RGS6: variants seen among roughly 807,000 people sequenced by gnomAD.
RGS6 encodes the protein regulator of G-protein signaling 6.
In RGS6, 30 loss-of-function variants were observed where a neutral mutation model predicts 78.5. That is an observed-to-expected ratio of 0.38 (90% CI 0.29 to 0.52). The LOEUF (loss-of-function observed/expected upper bound fraction) is 0.52. RGS6 is among the 20% of genes least tolerant of loss of function. RGS6 has a pLI of 0.85. For synonymous variants in RGS6, 206 were observed against 206.0 expected (o/e 1.00, Z 0.00); for missense variants, 495 against 609.7 (o/e 0.81, Z 1.98).
chr14:71,935,224 A>G (rs1349741544), intron 1 of RGS6, among the ~76,000 whole-genome samples: 2 of 152,202 alleles, frequency 1.3e-5, no homozygotes, highest in Non-Finnish European at 1.5e-5. Context: ...TCAAAAAACA[A>G]TTTTAACTTT....
chr14:72,503,812 G>T (rs1357392773), intron 13 of RGS6, among the ~76,000 whole-genome samples: 1 of 152,184 alleles, frequency 6.6e-6, no homozygotes, highest in Non-Finnish European at 1.5e-5. Flanking sequence ...AGGCCCATTT[G>T]GGTGGCAGCA....
intron 1 of RGS6, among the ~76,000 whole-genome samples, chr14:71,933,608 A>C (rs1035309406): frequency 6.6e-6 from 1 of 152,226 alleles, no homozygotes; most frequent in Non-Finnish European, 1.5e-5. Context: ...AGTTTTGTTC[A>C]GAATGAAAGC....
the RGS6 span, among the ~76,000 whole-genome samples, chr14:71,898,190 A>G: frequency 1.3e-5 from 2 of 152,174 alleles, no homozygotes; most frequent in African/African-American, 2.4e-5. Flanking sequence ...GTTATTAACT[A>G]CAGTCACCAT....
intron 2 of RGS6, among the ~76,000 whole-genome samples, chr14:72,184,366 TCAAACA>T (rs2097210571): frequency 3.2e-5 from 2 of 62,866 alleles, no homozygotes; most frequent in South Asian, 1.0e-3. Context: ...TATTTTACTT[TCAAACA>T]CACACACACA....
chr14:72,323,287 A>C (rs1018485327), intron 2 of RGS6, among the ~76,000 whole-genome samples: 1 of 152,174 alleles, frequency 6.6e-6, no homozygotes, highest in African/African-American at 2.4e-5. Context: ...ATAAGAATAA[A>C]TTTAACAAGA....
intron 2 of RGS6, among the ~76,000 whole-genome samples, chr14:72,031,060 A>C (rs547693016): frequency 1.3e-5 from 2 of 152,118 alleles, no homozygotes; most frequent in Admixed American, 1.3e-4. Context: ...GTTGTGGGTA[A>C]GCATAAATAT....
chr14:72,121,892 T>C (rs1257315448), intron 2 of RGS6, among the ~76,000 whole-genome samples: 1 of 152,144 alleles, frequency 6.6e-6, no homozygotes, highest in African/African-American at 2.4e-5. Context: ...GGAGCTGTTT[T>C]GCCAGGACCA....
chr14:72,405,945 G>A (rs148306358), intron 3 of RGS6, among the ~76,000 whole-genome samples: 2,984 of 152,334 alleles, frequency 0.02, 34 homozygotes, highest in South Asian at 0.037. Flanking sequence ...GATGACCCGC[G>A]TATTTCCAAG....
intron 3 of RGS6, among the ~76,000 whole-genome samples, chr14:72,355,626 A>C (rs1377107421): frequency 6.6e-6 from 1 of 152,202 alleles, no homozygotes; most frequent in Non-Finnish European, 1.5e-5. Context: ...ATTCTAGTAG[A>C]GGAGGAAATA....
At chr14:72,174,262 C>A (rs913365054) in intron 2 of RGS6, among the ~76,000 whole-genome samples, 1 of 152,234 alleles carries the variant, frequency 6.6e-6, no homozygotes. Context: ...CATAGGCCAC[C>A]ATGCCCAGCT....
intron 15 of RGS6, among the ~76,000 whole-genome samples, chr14:72,519,022 G>T (rs1447209020): frequency 6.6e-6 from 1 of 152,326 alleles, no homozygotes; most frequent in Admixed American, 6.5e-5. Context: ...TGCGCTATGT[G>T]ATAAGATACC....
chr14:71,974,886 A>T (rs1426409147), intron 2 of RGS6, among the ~76,000 whole-genome samples: 1 of 152,268 alleles, frequency 6.6e-6, no homozygotes, highest in Non-Finnish European at 1.5e-5. Flanking sequence ...TTACGCCTGT[A>T]ATCCCAGCAC....
the RGS6 span, among the ~76,000 whole-genome samples, chr14:72,615,170 A>G: frequency 1.3e-5 from 2 of 152,106 alleles, no homozygotes; most frequent in African/African-American, 4.8e-5. Context: ...CACTTCCACG[A>G]CAGGCTAAAA....
At chr14:72,152,638 G>A (rs567010318) in intron 2 of RGS6, among the ~76,000 whole-genome samples, 2 of 152,208 alleles carry the variant, frequency 1.3e-5, no homozygotes, top group South Asian at 4.2e-4. Context: ...ACTGTTTTAG[G>A]TATTCTTTAC....
chr14:72,276,223 A>G (rs2060642975), intron 2 of RGS6, among the ~76,000 whole-genome samples: 1 of 152,124 alleles, frequency 6.6e-6, no homozygotes. Flanking sequence ...ACTCCCATAC[A>G]CTGAACATAT....
At chr14:72,428,469 C>T (rs1429889337) in intron 3 of RGS6, among the ~76,000 whole-genome samples, 1 of 152,078 alleles carries the variant, frequency 6.6e-6, no homozygotes, top group Non-Finnish European at 1.5e-5. Context: ...AGAGCCCTAG[C>T]AGCATTTGTT....
At chr14:72,298,732 G>A (rs995606291) in intron 2 of RGS6, among the ~76,000 whole-genome samples, 1 of 152,218 alleles carries the variant, frequency 6.6e-6, no homozygotes, top group Admixed American at 6.5e-5. Flanking sequence ...ACAGGCGTGA[G>A]CCACTGTGCC....
At chr14:72,286,143 AG>A (rs1324338327) in intron 2 of RGS6, among the ~76,000 whole-genome samples, 1 of 152,190 alleles carries the variant, frequency 6.6e-6, no homozygotes, top group African/African-American at 2.4e-5. Flanking sequence ...TTATAGTTTC[AG>A]GTCTTACATT....
At chr14:72,198,386 A>T (rs112692330) in intron 2 of RGS6, among the ~76,000 whole-genome samples, 5 of 152,272 alleles carry the variant, frequency 3.3e-5, no homozygotes, top group African/African-American at 9.6e-5. Context: ...AACATCTTGC[A>T]TAAGGCCCAG....
Sources: gnomAD v4.1 joint callset for allele counts (sites outside exome capture counted in the v4.1 genomes callset) on GRCh38, gnomAD v4.1.1 for gene constraint, MANE v1.5 for transcripts, NCBI Gene and HGNC (gene_info 2026-07-23, HGNC 2026-07-21) for gene names.